The following CLRN1 variants were observed in gnomAD, a reference collection of about 807,000 sequenced individuals.
The protein encoded by CLRN1 is clarin 1.
Under a neutral mutation model 18.7 loss-of-function variants are expected in CLRN1, and 15 were observed. That is an observed-to-expected ratio of 0.80 (90% CI 0.54 to 1.23). CLRN1 has a LOEUF of 1.23. Ranked by LOEUF, CLRN1 falls within the 50% of genes most tolerant of loss-of-function variation. The probability of loss-of-function intolerance (pLI) is 0.00; values close to 1 mark genes in which losing one functional copy is unlikely to be tolerated. For synonymous variants in CLRN1, 104 were observed against 102.9 expected, an observed-to-expected ratio of 1.01 and a Z score of -0.07; for missense variants, 311 against 277.5, an observed-to-expected ratio of 1.12 and a Z score of -0.86.
At chr3:150,948,931 G>T (rs1235938872) in intron 1 of CLRN1, among the ~76,000 whole-genome samples, 1 of 152,096 alleles carries the variant, frequency 6.6e-6, no homozygotes. Flanking sequence ...GCCGATATCC[G>T]TGATGAACAT....
intron 2 of CLRN1, among the ~76,000 whole-genome samples, chr3:150,929,139 T>A (rs1183872290): frequency 3.9e-5 from 6 of 152,238 alleles, no homozygotes; most frequent in Non-Finnish European, 1.5e-5. Flanking sequence ...TTTTGTTTAG[T>A]ACACTATTAT....
chr3:150,966,682 G>A (rs1328345173), intron 1 of CLRN1, among the ~76,000 whole-genome samples: 1 of 152,158 alleles, frequency 6.6e-6, no homozygotes, highest in African/African-American at 2.4e-5. Flanking sequence ...ATTGTAATGG[G>A]AGAGAAAAGA....
At chr3:150,948,053 T>A (rs970566539) in intron 1 of CLRN1, among the ~76,000 whole-genome samples, 1 of 152,004 alleles carries the variant, frequency 6.6e-6, no homozygotes, top group East Asian at 1.9e-4. Flanking sequence ...AAATCAGAGC[T>A]GAACTGAAGG....
intron 2 of CLRN1, among the ~76,000 whole-genome samples, chr3:150,928,876 G>A (rs752254516): frequency 5.3e-5 from 8 of 152,180 alleles, no homozygotes; most frequent in Non-Finnish European, 1.0e-4. Flanking sequence ...GTATGGGCGG[G>A]ATAGTCTTCT....
At chr3:150,962,793 A>G (rs1188203508) in intron 1 of CLRN1, among the ~76,000 whole-genome samples, 1 of 152,224 alleles carries the variant, frequency 6.6e-6, no homozygotes, top group African/African-American at 2.4e-5. Flanking sequence ...TAATTACATA[A>G]CCCAAAGATT....
At chr3:150,972,060 G>A (rs907724076) in intron 1 of CLRN1, among the ~76,000 whole-genome samples, 2 of 152,212 alleles carry the variant, frequency 1.3e-5, no homozygotes, top group East Asian at 3.9e-4. Flanking sequence ...GTGGCAACCT[G>A]GTTAAATACG....
At chr3:150,940,932 A>G (rs1004358401) in intron 2 of CLRN1, among the ~76,000 whole-genome samples, 3 of 152,164 alleles carry the variant, frequency 2.0e-5, no homozygotes, top group African/African-American at 7.2e-5. Flanking sequence ...AGGCTTGAAT[A>G]TGGCTGCTCA....
intron 2 of CLRN1, among the ~76,000 whole-genome samples, chr3:150,941,178 C>CATAT (rs57988194): frequency 0.02 from 2,683 of 132,702 alleles, 39 homozygotes; most frequent in African/African-American, 0.034. Context: ...CTATCTCTTT[C>CATAT]ATATATATAT....
At chr3:150,967,703 G>T (rs559797387) in intron 1 of CLRN1, among the ~76,000 whole-genome samples, 3 of 152,280 alleles carry the variant, frequency 2.0e-5, no homozygotes, top group Non-Finnish European at 2.9e-5. Context: ...AGAGACGCAA[G>T]GTGTGCAGGG....
At chr3:150,954,706 T>C (rs1171013132) in intron 1 of CLRN1, among the ~76,000 whole-genome samples, 1 of 152,262 alleles carries the variant, frequency 6.6e-6, no homozygotes, top group African/African-American at 2.4e-5. Context: ...AAATATTTTC[T>C]GCTATGTTTC....
intron 2 of CLRN1, among the ~76,000 whole-genome samples, chr3:150,939,977 A>C (rs1020253747): frequency 1.3e-5 from 2 of 152,102 alleles, no homozygotes; most frequent in African/African-American, 4.8e-5. Context: ...TATTGCTTCA[A>C]AGCGCCTGTT....
chr3:150,935,801 C>T (rs1445807557), intron 2 of CLRN1, among the ~76,000 whole-genome samples: 1 of 139,374 alleles, frequency 7.2e-6, no homozygotes, highest in Non-Finnish European at 1.6e-5. Context: ...TCCTCTCCAG[C>T]ACCTGTTGTT....
At chr3:150,964,251 T>C (rs989817282) in intron 1 of CLRN1, among the ~76,000 whole-genome samples, 1 of 152,156 alleles carries the variant, frequency 6.6e-6, no homozygotes, top group Admixed American at 6.5e-5. Context: ...GCAAAGGATA[T>C]GAACGGACAC....
chr3:150,926,783 T>C lies in CLRN1; in HGVS notation c.*1153A>G. ...GGCCTAGTGATCTGTTTGCTGTCAT[T>C]CTCTGCTTTTTCCTTGGTGCTTTCT... On this transcript the variant is annotated 3_prime_UTR_variant, in exon 3 of 3. Coordinates refer to ENST00000327047, the MANE Select transcript of CLRN1 (RefSeq NM_174878.3). The C allele has an allele frequency of 6.2e-7, 1 of 1,613,792 alleles. No homozygotes were observed. Among genetic ancestry groups the C allele is most frequent in the Non-Finnish European group, 8.5e-7 (1 of 1,179,940 alleles).
At chr3:150,943,367 T>G (rs546997731) in intron 1 of CLRN1, among the ~76,000 whole-genome samples, 1 of 152,222 alleles carries the variant, frequency 6.6e-6, no homozygotes, top group Admixed American at 6.5e-5. Flanking sequence ...CCACCACCTA[T>G]CCTCTGCCTA....
intron 1 of CLRN1, among the ~76,000 whole-genome samples, chr3:150,968,407 T>C (rs1046057925): frequency 1.3e-5 from 2 of 152,142 alleles, no homozygotes; most frequent in Non-Finnish European, 2.9e-5. Flanking sequence ...ATGAATGAAA[T>C]TGTATGCTAG....
At chr3:150,972,363 G>A (rs1377823353) in intron 1 of CLRN1, 93 bp downstream of exon 1, 1 of 1,565,076 alleles carries the variant, frequency 6.4e-7, no homozygotes, top group Non-Finnish European at 8.8e-7. Flanking sequence ...AAGTCCTGCA[G>A]TAAACACGGC....
rs765085056 is a variant in CLRN1 at position 150,928,201 on chromosome 3, C to G, written c.434G>C (p.Gly145Ala). 1.2e-6 allele frequency: 2 copies of G among 1,613,920 alleles called. No individual in the cohort carries two copies. The highest frequency in any genetic ancestry group is 1.7e-6 in the Non-Finnish European group (2 of 1,179,972). ...LGLYLLSFIS[G>A]SCGCLVMILF... is the part of the protein sequence containing the mutation. ...TATCATGACAAGACAGCCACAGGAG[C>G]CTGCAACAGAAGAAACAAGGTGTTG... The change falls in exon 3 of 3, where the codon GGC becomes GCC. Residue 145 changes from glycine (G) to alanine (A), a missense_variant and splice_region_variant. Coordinates refer to ENST00000327047, the MANE Select transcript of CLRN1 (RefSeq NM_174878.3).
At chr3:150,932,958 A>C (rs952792287) in intron 2 of CLRN1, among the ~76,000 whole-genome samples, 2 of 152,264 alleles carry the variant, frequency 1.3e-5, no homozygotes, top group African/African-American at 4.8e-5. Flanking sequence ...CTGTAATGGA[A>C]AGTTGAAGAG....
Sources: allele counts gnomAD v4.1 joint callset (sites outside exome capture counted in the v4.1 genomes callset), GRCh38; gene constraint gnomAD v4.1.1; transcripts MANE v1.5; gene names NCBI Gene and HGNC (gene_info 2026-07-23, HGNC 2026-07-21).